TMEM132D: variants seen among roughly 807,000 people sequenced by gnomAD.
The protein encoded by TMEM132D is transmembrane protein 132D.
TMEM132D carries 21 observed loss-of-function variants against 62.3 expected under a neutral mutation model. The observed-to-expected ratio is 0.34, with a 90% CI of 0.24 to 0.49. TMEM132D has a LOEUF of 0.49. Ranked by LOEUF, TMEM132D falls within the 20% of genes least tolerant of loss-of-function variation. The pLI is 0.99. For missense variants in TMEM132D, 1,346 were observed against 1,402.8 expected (o/e 0.96, Z 0.65); for synonymous variants, 621 against 575.6 (o/e 1.08, Z -1.13).
intron 3 of TMEM132D, among the ~76,000 whole-genome samples, chr12:129,400,278 T>C (rs1871581669): frequency 6.6e-6 from 1 of 152,168 alleles, no homozygotes; most frequent in Admixed American, 6.5e-5. Flanking sequence ...GTCAAGAGCA[T>C]GTCCTCTGAA....
At chr12:129,282,428 A>G (rs1056026725) in intron 4 of TMEM132D, among the ~76,000 whole-genome samples, 6 of 152,278 alleles carry the variant, frequency 3.9e-5, no homozygotes, top group South Asian at 2.1e-4. Flanking sequence ...GCAGCTCCCA[A>G]TGGCATAGCA....
chr12:129,658,741 G>A (rs1397244994), intron 2 of TMEM132D, among the ~76,000 whole-genome samples: 3 of 152,072 alleles, frequency 2.0e-5, no homozygotes, highest in Non-Finnish European at 4.4e-5. Context: ...TTTACTTTAC[G>A]CATTCAACTA....
intron 2 of TMEM132D, among the ~76,000 whole-genome samples, chr12:129,629,681 A>G (rs566635868): frequency 2.0e-5 from 3 of 151,806 alleles, no homozygotes; most frequent in African/African-American, 7.3e-5. Flanking sequence ...AAAAAAAAAA[A>G]CTATACAAAC....
At chr12:129,848,848 C>G (rs751476295) in intron 1 of TMEM132D, among the ~76,000 whole-genome samples, 3 of 152,168 alleles carry the variant, frequency 2.0e-5, no homozygotes, top group Non-Finnish European at 4.4e-5. Flanking sequence ...AGGACAACCA[C>G]GTGAAGAAGT....
At chr12:129,275,649 C>T (rs1051543790) in intron 4 of TMEM132D, among the ~76,000 whole-genome samples, 5 of 152,150 alleles carry the variant, frequency 3.3e-5, no homozygotes, top group African/African-American at 1.2e-4. Context: ...AGGTCAGGGC[C>T]GCCTGCATTC....
At chr12:129,732,408 C>T (rs1015222763) in intron 1 of TMEM132D, among the ~76,000 whole-genome samples, 4 of 152,156 alleles carry the variant, frequency 2.6e-5, no homozygotes, top group South Asian at 2.1e-4. Flanking sequence ...CCAAACCTCA[C>T]GTTGAATTGG....
At chr12:129,098,015 A>G (rs1455002636) in intron 5 of TMEM132D, among the ~76,000 whole-genome samples, 1 of 152,206 alleles carries the variant, frequency 6.6e-6, no homozygotes, top group Non-Finnish European at 1.5e-5. Context: ...AATTTCTCCT[A>G]TGTTATCTTC....
At chr12:129,225,755 AAGAG>A (rs1359428482) in intron 4 of TMEM132D, among the ~76,000 whole-genome samples, 2 of 152,156 alleles carry the variant, frequency 1.3e-5, no homozygotes, top group Non-Finnish European at 2.9e-5. Context: ...AGGAAAAAGC[AAGAG>A]AGAGAGGAAG....
intron 3 of TMEM132D, among the ~76,000 whole-genome samples, chr12:129,364,194 T>C (rs906921301): frequency 2.6e-5 from 4 of 152,220 alleles, no homozygotes; most frequent in Non-Finnish European, 5.9e-5. Context: ...AATCCCGATA[T>C]GGTATTAGTT....
chr12:129,759,149 G>A (rs1266873861), intron 1 of TMEM132D, among the ~76,000 whole-genome samples: 1 of 151,978 alleles, frequency 6.6e-6, no homozygotes, highest in African/African-American at 2.4e-5. Flanking sequence ...GGCCAGGCTG[G>A]TCTCAAACTC....
At chr12:129,689,905 T>C (rs533478183) in intron 2 of TMEM132D, among the ~76,000 whole-genome samples, 8 of 152,302 alleles carry the variant, frequency 5.3e-5, no homozygotes, top group East Asian at 3.9e-4. Flanking sequence ...CTTAGACTCA[T>C]TGGAGAACTG....
At chr12:129,343,997 A>G (rs1039801482) in intron 3 of TMEM132D, among the ~76,000 whole-genome samples, 4 of 152,302 alleles carry the variant, frequency 2.6e-5, no homozygotes, top group African/African-American at 9.6e-5. Flanking sequence ...AAGAAAACTA[A>G]TCCTTTGTCA....
chr12:129,867,153 G>C lies in TMEM132D; in HGVS notation c.79+36108C>G, dbSNP rs1267209264. ...TATGTGCCTGTAGTCCTAGCTACAT[G>C]GGAGGCTGAGGCAGGAGGATGGCTT... On this transcript the variant is annotated intron_variant, in intron 1 of 8. Transcript: ENST00000422113. The surrounding 1 kb of genome is among the most constrained non-coding windows in gnomAD (Gnocchi z 4.5). 6.6e-6 allele frequency among the ~76,000 whole-genome samples: 1 copy of C among 152,142 alleles called. No homozygotes were observed. The highest frequency in any genetic ancestry group is 2.4e-5 in the African/African-American group (1 of 41,452).
intron 1 of TMEM132D, among the ~76,000 whole-genome samples, chr12:129,877,230 G>C (rs1023372018): frequency 1.3e-5 from 2 of 150,752 alleles, no homozygotes; most frequent in African/African-American, 4.9e-5. Flanking sequence ...TATTATTCCA[G>C]AGCTGAGACA....
chr12:129,482,295 CTG>C (rs1874451961), intron 3 of TMEM132D, among the ~76,000 whole-genome samples: 1 of 152,218 alleles, frequency 6.6e-6, no homozygotes, highest in Non-Finnish European at 1.5e-5. Flanking sequence ...GTTGAATTAA[CTG>C]TGGTACATAC....
chr12:129,314,111 G>A (rs1233486407), intron 4 of TMEM132D, among the ~76,000 whole-genome samples: 1 of 151,942 alleles, frequency 6.6e-6, no homozygotes, highest in Non-Finnish European at 1.5e-5. Context: ...TCAGTCCTTT[G>A]TCAGATGTAT....
intron 1 of TMEM132D, among the ~76,000 whole-genome samples, chr12:129,872,410 T>C (rs1052289357): frequency 6.6e-6 from 1 of 152,118 alleles, no homozygotes; most frequent in Admixed American, 6.6e-5. Context: ...AACATCACGA[T>C]CCCCTGCCGT....
intron 7 of TMEM132D, among the ~76,000 whole-genome samples, chr12:129,080,595 G>A (rs1449979366): frequency 6.6e-6 from 1 of 152,162 alleles, no homozygotes; most frequent in Non-Finnish European, 1.5e-5. Context: ...CTCATGCACA[G>A]CTGTTTTAGA....
At chr12:129,242,223 C>A (rs967953859) in intron 4 of TMEM132D, among the ~76,000 whole-genome samples, 2 of 152,182 alleles carry the variant, frequency 1.3e-5, no homozygotes, top group African/African-American at 4.8e-5. Flanking sequence ...ACAGTTTAAC[C>A]CTCCATTATT....
Sources: gnomAD v4.1 joint callset for allele counts (sites outside exome capture counted in the v4.1 genomes callset) on GRCh38, gnomAD v4.1.1 for gene constraint, Gnocchi (gnomAD v3.1) non-coding constraint, MANE v1.5 for transcripts, NCBI Gene and HGNC (gene_info 2026-07-23, HGNC 2026-07-21) for gene names.